PSEN1: variants seen among roughly 807,000 people sequenced by gnomAD.
PSEN1 encodes presenilin 1.
In PSEN1, 15 loss-of-function variants were observed where a neutral mutation model predicts 53.5. The ratio of observed to expected loss-of-function variants is 0.28; its 90% CI spans 0.19 to 0.43. PSEN1 has a LOEUF of 0.43. Ranked by LOEUF, PSEN1 falls within the 20% of genes least tolerant of loss-of-function variation. The probability of loss-of-function intolerance (pLI) is 1.00; values close to 1 mark genes in which losing one functional copy is unlikely to be tolerated. For missense variants in PSEN1, 387 were observed against 571.2 expected (o/e 0.68, Z 3.29); for synonymous variants, 208 against 209.8 (o/e 0.99, Z 0.08).
chr14:73,198,646 G>T (rs165933), intron 8 of PSEN1, among the ~76,000 whole-genome samples: 1 of 152,108 alleles, frequency 6.6e-6, no homozygotes, highest in Non-Finnish European at 1.5e-5. Flanking sequence ...TTGAATTATG[G>T]TAGTGGCAGT....
chr14:73,187,579 GA>G (rs1245066318), intron 6 of PSEN1, among the ~76,000 whole-genome samples: 3 of 152,040 alleles, frequency 2.0e-5, no homozygotes, highest in East Asian at 1.9e-4. Context: ...TGATATTCTA[GA>G]AAAAAAATTA....
Position 73,192,883 on chromosome 14 carries a change from A to C in PSEN1, c.769+19A>C. The C allele has an allele frequency of 6.4e-7, 1 of 1,573,512 alleles. No homozygotes were observed. The highest frequency in any genetic ancestry group is 8.7e-7 in the Non-Finnish European group (1 of 1,143,852). ...GTATATGGTAAAACCCAAGACTGAT[A>C]ATTTGTTTGTCACAGGAATGCCCCA... On this transcript the variant is annotated intron_variant, in intron 7 of 11. Coordinates refer to ENST00000324501, the MANE Select transcript of PSEN1 (RefSeq NM_000021.4).
chr14:73,151,560 A>G (rs973911068), intron 3 of PSEN1, among the ~76,000 whole-genome samples: 3 of 152,074 alleles, frequency 2.0e-5, no homozygotes, highest in Non-Finnish European at 2.9e-5. Context: ...TTAATAATTT[A>G]AAAAGCTATT....
chr14:73,142,522 A>T (rs1156929285), intron 1 of PSEN1, among the ~76,000 whole-genome samples: 1 of 152,228 alleles, frequency 6.6e-6, no homozygotes, highest in Admixed American at 6.5e-5. Flanking sequence ...AGAAAATGGA[A>T]TCAATAAGTA....
intron 5 of PSEN1, among the ~76,000 whole-genome samples, chr14:73,175,208 G>A (rs1595005100): frequency 6.6e-6 from 1 of 152,084 alleles, no homozygotes; most frequent in African/African-American, 2.4e-5. Context: ...CTCACTGCAA[G>A]CTGTGCCTCC....
chr14:73,184,933 G>A (rs1326905639), intron 5 of PSEN1, among the ~76,000 whole-genome samples: 25 of 145,788 alleles, frequency 1.7e-4, no homozygotes, highest in African/African-American at 4.6e-4. Flanking sequence ...AGACGGGGTC[G>A]CGGCCGGGCA....
chr14:73,204,581 G>A (rs1287097620), intron 8 of PSEN1, among the ~76,000 whole-genome samples: 1 of 150,376 alleles, frequency 6.6e-6, no homozygotes, highest in Non-Finnish European at 1.5e-5. Flanking sequence ...AACCTGAAAT[G>A]TTTACTCCCT....
intron 8 of PSEN1, among the ~76,000 whole-genome samples, chr14:73,200,566 A>G (rs1899138540): frequency 6.6e-6 from 1 of 152,200 alleles, no homozygotes; most frequent in South Asian, 2.1e-4. Context: ...CTGTAAAATT[A>G]ATCTTAATTA....
chr14:73,206,571 T>C, intron 9 of PSEN1, 99 bp downstream of exon 9: 1 of 811,152 alleles, frequency 1.2e-6, no homozygotes, highest in Admixed American at 2.0e-5. Context: ...GGTCATAGAC[T>C]CCTTTGAGAA....
At chr14:73,204,253 C>A (rs986696457) in intron 8 of PSEN1, among the ~76,000 whole-genome samples, 8 of 150,560 alleles carry the variant, frequency 5.3e-5, no homozygotes, top group African/African-American at 2.0e-4. Flanking sequence ...CCACCTCCGA[C>A]TCCCAAAGTG....
chr14:73,208,759 C>T (rs1899555559), intron 9 of PSEN1: 2 of 439,574 alleles, frequency 4.5e-6, no homozygotes, highest in Admixed American at 4.9e-5. Context: ...AGCTTGGCCT[C>T]CAGGCTTCAG....
chr14:73,172,405 A>G (rs1897918014), intron 4 of PSEN1, among the ~76,000 whole-genome samples: 1 of 152,226 alleles, frequency 6.6e-6, no homozygotes, highest in Non-Finnish European at 1.5e-5. Flanking sequence ...AATATTATCC[A>G]TATAGGTTAG....
intron 1 of PSEN1, among the ~76,000 whole-genome samples, chr14:73,138,879 A>G (rs1896829462): frequency 6.6e-6 from 1 of 151,468 alleles, no homozygotes; most frequent in Non-Finnish European, 1.5e-5. Flanking sequence ...AGGCAGGAGA[A>G]TGGCGTGAAC....
intron 7 of PSEN1, among the ~76,000 whole-genome samples, chr14:73,193,493 T>C (rs867415071): frequency 3.0e-4 from 42 of 139,048 alleles, no homozygotes; most frequent in African/African-American, 1.1e-3. Flanking sequence ...GAGGTTGCAG[T>C]GAGCCGAGAT....
chr14:73,208,929 A>G (rs923621022), intron 9 of PSEN1: 5 of 453,620 alleles, frequency 1.1e-5, no homozygotes, highest in African/African-American at 1.0e-4. Flanking sequence ...AGCTGCCTTC[A>G]GCCCCTCCTC....
chr14:73,197,922 G>A, intron 7 of PSEN1, 109 bp from the exon 8 acceptor site: 3 of 642,130 alleles, frequency 4.7e-6, no homozygotes, highest in Non-Finnish European at 8.5e-6. Context: ...TGTGTAAAAA[G>A]AGACAAAAAA....
chr14:73,210,227 A>C (rs565033937), intron 9 of PSEN1, among the ~76,000 whole-genome samples: 19 of 152,360 alleles, frequency 1.2e-4, no homozygotes, highest in Non-Finnish European at 1.9e-4. Context: ...AAAATTCATC[A>C]GTGGAAAAAA....
At chr14:73,157,841 C>A (rs922554189) in intron 3 of PSEN1, among the ~76,000 whole-genome samples, 2 of 151,974 alleles carry the variant, frequency 1.3e-5, no homozygotes, top group African/African-American at 4.8e-5. Flanking sequence ...CAAAAATTAG[C>A]CAGGGGTGGT....
chr14:73,150,129 A>G (rs1187285151), intron 3 of PSEN1, among the ~76,000 whole-genome samples: 2 of 152,212 alleles, frequency 1.3e-5, no homozygotes, highest in Non-Finnish European at 2.9e-5. Context: ...ATAATGTAAT[A>G]GGCACCCATG....
Sources: allele counts gnomAD v4.1 joint callset (sites outside exome capture counted in the v4.1 genomes callset), GRCh38; gene constraint gnomAD v4.1.1; transcripts MANE v1.5; gene names NCBI Gene and HGNC (gene_info 2026-07-23, HGNC 2026-07-21).